Variants in CHRDL2 observed in about 807,000 individuals in gnomAD.
CHRDL2 encodes the protein chordin like 2.
A neutral mutation model predicts 54.3 loss-of-function variants in CHRDL2; 41 were observed. That is an observed-to-expected ratio of 0.76 (90% CI 0.59 to 0.98). The LOEUF is 0.98. CHRDL2 is among the 50% of genes least tolerant of loss of function. The pLI is 0.00. For missense variants in CHRDL2, 518 were observed against 562.4 expected, an observed-to-expected ratio of 0.92 and a Z score of 0.80; for synonymous variants, 220 against 224.3, an observed-to-expected ratio of 0.98 and a Z score of 0.17.
At chr11:74,719,129 T>C (rs2034442407) in intron 1 of CHRDL2, 1 of 322,982 alleles carries the variant, frequency 3.1e-6, no homozygotes, top group South Asian at 5.3e-5. Context: ...CAGATTTATA[T>C]CATGGTATCA....
At chr11:74,723,177 T>C (rs1283342748) in intron 1 of CHRDL2, among the ~76,000 whole-genome samples, 1 of 152,032 alleles carries the variant, frequency 6.6e-6, no homozygotes, top group African/African-American at 2.4e-5. Context: ...GGAGGTACAA[T>C]GGGCAGGCTT....
In CHRDL2 at chr11:74,706,561, G is replaced by A; in HGVS notation, c.527-19C>T. On this transcript the variant is annotated intron_variant, in intron 5 of 10. Coordinates refer to ENST00000376332, the MANE Select transcript of CHRDL2 (RefSeq NM_001278473.3). ...GCCTCATCTGAAAACTCAAAGGGAA[G>A]CTGGGTCAGCCTCAGGCTCCCCAGC... 6.2e-7 allele frequency: 1 copy of A among 1,613,888 alleles called. No individual in the cohort carries two copies. The highest frequency in any genetic ancestry group is 8.5e-7 in the Non-Finnish European group (1 of 1,179,860).
intron 1 of CHRDL2, among the ~76,000 whole-genome samples, chr11:74,720,507 TTC>T: frequency 6.6e-6 from 1 of 152,020 alleles, no homozygotes. Context: ...AAAGGCCTTC[TTC>T]TCTCTCTGCC....
Position 74,709,257 on chromosome 11 carries a change from C to T in CHRDL2, c.433-862G>A, listed in dbSNP as rs528880464. Among the ~76,000 whole-genome samples, 13 of 152,266 alleles carry T rather than the reference C, an allele frequency of 8.5e-5. 1 individual carries two copies. The East Asian group carries it at 1.5e-3, about 18-fold the overall frequency. On this transcript the variant is annotated intron_variant, in intron 4 of 10. Transcript: ENST00000376332. ...CCCACCACCCAGCATTTCTGTCTCTCGCCACAGCCCCCTCCTCATCCAGGC... is the reference window on the plus strand; with the variant it reads ...CCCACCACCCAGCATTTCTGTCTCTTGCCACAGCCCCCTCCTCATCCAGGC...
rs1300317134 is a variant in CHRDL2, at chr11:74,697,133, TC to T, written c.1213+71del. ...CTCCCGGCACCAGCAGCCTGGGAAC[TC>T]CCCGAAAGGCTCTGGCCCGTGTCCT... On this transcript the variant is annotated intron_variant, in intron 10 of 10. Coordinates refer to ENST00000376332, the MANE Select transcript of CHRDL2 (RefSeq NM_001278473.3). 7 of 1,234,930 alleles carry T rather than the reference TC, an allele frequency of 5.7e-6. No homozygotes were observed. The South Asian group carries it at 8.7e-5, about 15-fold the overall frequency. The allele number at this position is 1,234,930 out of a possible 1,614,324, so 76.5% of individuals were successfully genotyped here. A position where few individuals can be genotyped will look rare whatever the true frequency, so the allele number is the denominator to read the frequency against.
chr11:74,701,465 T>C, intron 9 of CHRDL2: 1 of 587,670 alleles, frequency 1.7e-6, no homozygotes, highest in Non-Finnish European at 3.2e-6. Context: ...CTGAGTCTTC[T>C]CTTCTCCAGG....
chr11:74,702,771 A>G (rs2135237739), intron 9 of CHRDL2, 23 bp downstream of exon 9: 1 of 1,612,898 alleles, frequency 6.2e-7, no homozygotes. Context: ...GGTACACCCC[A>G]CTGGGAGTGG....
chr11:74,719,977 G>A (rs1038426332), intron 1 of CHRDL2, among the ~76,000 whole-genome samples: 2 of 152,014 alleles, frequency 1.3e-5, no homozygotes, highest in Non-Finnish European at 2.9e-5. Context: ...CGATCTTCAC[G>A]CCAGCAGGGA....
rs141280420 is a variant in CHRDL2 at position 74,720,983 on chromosome 11, C to T, written c.83-2151G>A. ...TGCCTTCAGTCTGTGCTTCGAGGGT[C>T]GCTGAGAGTAGGAACACATGGCTTA... On this transcript the variant is annotated intron_variant, in intron 1 of 10. Coordinates refer to ENST00000376332, the MANE Select transcript of CHRDL2 (RefSeq NM_001278473.3). Among the ~76,000 whole-genome samples the T allele has an allele frequency of 1.2e-4, 19 of 152,340 alleles. No homozygotes were observed. In the East Asian group the frequency reaches 2.5e-3, roughly 20 times the overall value.
intron 6 of CHRDL2, among the ~76,000 whole-genome samples, chr11:74,705,406 T>G (rs888196580): frequency 6.6e-6 from 1 of 152,192 alleles, no homozygotes; most frequent in Admixed American, 6.5e-5. Context: ...TTCCTTCTTC[T>G]AGAGCCCATT....
chr11:74,699,560 A>G (rs1217136870), intron 9 of CHRDL2: 3 of 152,280 alleles, frequency 2.0e-5, no homozygotes, highest in Non-Finnish European at 2.9e-5. Context: ...GCCAGATACC[A>G]TCAAGCCATC....
In CHRDL2 at chr11:74,715,871, G is replaced by A. The variant is rs896083682; in HGVS notation, c.196-2392C>T. On this transcript the variant is annotated intron_variant, in intron 2 of 10. Transcript: ENST00000376332. ...TGCATGCCTATAATCCCAGCTACTCGGGAGGCTGACGCACGAGAATCACTT... is the reference window on the plus strand; with the variant it reads ...TGCATGCCTATAATCCCAGCTACTCAGGAGGCTGACGCACGAGAATCACTT... Among the ~76,000 whole-genome samples the A allele has an allele frequency of 4.0e-5, 6 of 151,864 alleles. No homozygotes were observed. In the South Asian group the frequency reaches 6.2e-4, roughly 16 times the overall value.
In CHRDL2 at chr11:74,708,198, C is replaced by T. The variant is rs114591666; in HGVS notation, c.526+104G>A. The stretch of plus-strand genomic sequence containing the variant: ...CCCTGGAGGAAAGAGCCGTCTGCTA[C>T]ATGCTGGGTGTCACCTGCAGTTCCT... On this transcript the variant is annotated intron_variant, in intron 5 of 10. Transcript: ENST00000376332. 1.7e-3 allele frequency: 1,269 copies of T among 743,578 alleles called. 12 individuals are homozygous for T. In the African/African-American group the frequency reaches 0.02, roughly 12 times the overall value. 46.1% of individuals were successfully genotyped at this position (743,578 alleles called of 1,614,324 possible).
intron 4 of CHRDL2, among the ~76,000 whole-genome samples, chr11:74,709,368 T>C (rs753849458): frequency 2.0e-5 from 3 of 152,210 alleles, no homozygotes; most frequent in African/African-American, 7.2e-5. Flanking sequence ...ATTCTGGCTC[T>C]GTCACTTACT....
intron 4 of CHRDL2, among the ~76,000 whole-genome samples, chr11:74,710,109 G>C (rs1395835321): frequency 1.3e-5 from 2 of 151,938 alleles, no homozygotes; most frequent in Non-Finnish European, 2.9e-5. Flanking sequence ...CCAGCTACTC[G>C]GGAGTCTGAG....
At chr11:74,711,015 G>T in intron 3 of CHRDL2, 24 bp from the exon 4 acceptor site, 2 of 1,595,930 alleles carry the variant, frequency 1.3e-6, no homozygotes, top group Admixed American at 3.5e-5. Context: ...GGGGCAGGAG[G>T]AAGAAGAAAA....
At chr11:74,717,327 A>G (rs1466812546) in intron 2 of CHRDL2, among the ~76,000 whole-genome samples, 1 of 152,148 alleles carries the variant, frequency 6.6e-6, no homozygotes, top group Non-Finnish European at 1.5e-5. Flanking sequence ...ACTGTATGTG[A>G]ACTCTGTGAA....
Position 74,706,550 on chromosome 11 carries a change from C to T in CHRDL2, c.527-8G>A. ...ATTGCTCACTTGCCTCATCTGAAAACTCAAAGGGAAGCTGGGTCAGCCTCA... is the reference window on the plus strand; with the variant it reads ...ATTGCTCACTTGCCTCATCTGAAAATTCAAAGGGAAGCTGGGTCAGCCTCA... On this transcript the variant is annotated splice_region_variant and splice_polypyrimidine_tract_variant and intron_variant, in intron 5 of 10. Transcript: ENST00000376332. 1 of 1,614,086 alleles carries T rather than the reference C, an allele frequency of 6.2e-7. No individual in the cohort carries two copies. The highest frequency in any genetic ancestry group is 1.7e-5 in the Admixed American group (1 of 60,016).
rs755621615 is a variant in CHRDL2, at chr11:74,703,434, C to T, written c.817G>A (p.Gly273Ser). 1.2e-5 allele frequency: 19 copies of T among 1,613,018 alleles called. No individual in the cohort carries two copies. Among genetic ancestry groups the T allele is most frequent in the Middle Eastern group, 1.7e-4 (1 of 6,054 alleles). ...GTGCATAGGATGCAGGGCAAGGGGC[C>T]GAAGGCACGGAAGGCCGGGTGCCAC... ...EVWHPAFRAF[G>S]PLPCILCTCE... Residue 273 changes from glycine to serine, a missense_variant, in exon 8 of 11, where the codon GGC becomes AGC. Physicochemically the swap from Gly to Ser is moderately conservative, Grantham distance 56. Coordinates refer to ENST00000376332, the MANE Select transcript of CHRDL2 (RefSeq NM_001278473.3).
Sources: gnomAD v4.1 joint callset for allele counts (sites outside exome capture counted in the v4.1 genomes callset) on GRCh38, gnomAD v4.1.1 for gene constraint, MANE v1.5 for transcripts, NCBI Gene and HGNC (gene_info 2026-07-23, HGNC 2026-07-21) for gene names.